GRK5: variants seen among roughly 807,000 people sequenced by gnomAD.
GRK5 encodes g protein-coupled receptor kinase GRK5.
In GRK5, 40 loss-of-function variants were observed where a neutral mutation model predicts 78.4. That is an observed-to-expected ratio of 0.51 (90% CI 0.40 to 0.66). GRK5 has a LOEUF of 0.66. Among genes scored for constraint, GRK5 ranks in the 30% least tolerant of loss-of-function variants. The pLI, the probability that GRK5 is intolerant of heterozygous loss-of-function variation, is 0.00. For missense variants in GRK5, 598 were observed against 759.9 expected (o/e 0.79, Z 2.50); for synonymous variants, 289 against 296.8 (o/e 0.97, Z 0.27).
chr10:119,360,730 T>C (rs1335492439), intron 2 of GRK5, among the ~76,000 whole-genome samples: 1 of 152,214 alleles, frequency 6.6e-6, no homozygotes, highest in Non-Finnish European at 1.5e-5. Flanking sequence ...GAAGATGGTC[T>C]GTCCGTCCTC....
chr10:119,301,565 C>T (rs564191639), intron 1 of GRK5, among the ~76,000 whole-genome samples: 4 of 152,314 alleles, frequency 2.6e-5, no homozygotes, highest in South Asian at 4.1e-4. Flanking sequence ...CTCTAGAGCA[C>T]GCCCCATCCG....
chr10:119,292,118 CCCTCTCCTCATCTTCCTCCTT>C (rs1187940391), intron 1 of GRK5, among the ~76,000 whole-genome samples: 1 of 27,764 alleles, frequency 3.6e-5, no homozygotes, highest in Non-Finnish European at 7.8e-5. Flanking sequence ...TCCTCTTCCT[CCCTCTCCTCATCTTCCTCCTT>C]CTCCTCCTCT....
intron 4 of GRK5, among the ~76,000 whole-genome samples, chr10:119,420,087 G>T (rs1852538436): frequency 6.6e-6 from 1 of 152,252 alleles, no homozygotes; most frequent in African/African-American, 2.4e-5. Context: ...GCACTTACTG[G>T]CTGAGTGACC....
At chr10:119,294,979 A>G (rs936262210) in intron 1 of GRK5, among the ~76,000 whole-genome samples, 5 of 152,110 alleles carry the variant, frequency 3.3e-5, no homozygotes, top group African/African-American at 1.2e-4. Flanking sequence ...TCATGAGGTC[A>G]GGAGATCGAG....
chr10:119,453,070 C>A (rs1306014655), intron 14 of GRK5, 75 bp from the exon 15 acceptor site: 4 of 975,330 alleles, frequency 4.1e-6, no homozygotes, highest in Non-Finnish European at 6.7e-6. Flanking sequence ...GGGGAGGGAG[C>A]CCCAGTGGCT....
At chr10:119,289,930 G>A (rs1849920160) in intron 1 of GRK5, among the ~76,000 whole-genome samples, 2 of 152,156 alleles carry the variant, frequency 1.3e-5, no homozygotes, top group Non-Finnish European at 2.9e-5. Context: ...AAAACTTTAT[G>A]GTCAGCTGTA....
At chr10:119,327,594 G>A (rs1850701423) in intron 2 of GRK5, among the ~76,000 whole-genome samples, 1 of 152,222 alleles carries the variant, frequency 6.6e-6, no homozygotes, top group Non-Finnish European at 1.5e-5. Context: ...GCCTGCCCTG[G>A]AATTCAAGGC....
intron 4 of GRK5, among the ~76,000 whole-genome samples, chr10:119,405,475 C>A (rs938391741): frequency 6.6e-6 from 1 of 152,082 alleles, no homozygotes; most frequent in Non-Finnish European, 1.5e-5. Context: ...GCTTGTTGGG[C>A]TCTCTGGAAA....
intron 1 of GRK5, among the ~76,000 whole-genome samples, chr10:119,314,543 C>G (rs2133746226): frequency 6.6e-6 from 1 of 152,332 alleles, no homozygotes; most frequent in Admixed American, 6.5e-5. Flanking sequence ...CTATGCTCAG[C>G]TAGGAAAGTG....
At chr10:119,223,051 A>G (rs1200787502) in intron 1 of GRK5, among the ~76,000 whole-genome samples, 2 of 152,134 alleles carry the variant, frequency 1.3e-5, no homozygotes, top group South Asian at 2.1e-4. Flanking sequence ...ACAGACATCT[A>G]TTGTCGCACA....
chr10:119,229,736 A>G (rs1035388649), intron 1 of GRK5, among the ~76,000 whole-genome samples: 7 of 152,164 alleles, frequency 4.6e-5, no homozygotes, highest in African/African-American at 1.4e-4. Flanking sequence ...TTCATCAGAG[A>G]AGTGGTCTTG....
rs180701794 is a variant in GRK5, at chr10:119,223,169, C to T, written c.52+15200C>T. ...GCCTCTCTCCTTGGCTTGTTGGTGG[C>T]TGTCTTCTCCCTGTGCGTCTTCCTC... On this transcript the variant is annotated intron_variant, in intron 1 of 15. Transcript: ENST00000392870. 3.3e-3 allele frequency among the ~76,000 whole-genome samples: 506 copies of T among 152,264 alleles called. 10 individuals carry two copies. Among genetic ancestry groups the T allele is most frequent in the Non-Finnish European group, 8.8e-4 (60 of 68,010 alleles).
intron 1 of GRK5, among the ~76,000 whole-genome samples, chr10:119,276,742 G>A (rs1849676432): frequency 6.6e-6 from 1 of 152,182 alleles, no homozygotes; most frequent in Admixed American, 6.5e-5. Flanking sequence ...TGACATTTTA[G>A]CAACACAGCT....
chr10:119,207,897 G>A lies in GRK5; in HGVS notation c.-21G>A. ...GCTGACAGCCCCGCCGGCCGGCTCCGTTGCTGACCGCCGACTGTCAATGGA... is the reference window on the plus strand; with the variant it reads ...GCTGACAGCCCCGCCGGCCGGCTCCATTGCTGACCGCCGACTGTCAATGGA... On this transcript the variant is annotated 5_prime_UTR_variant, in exon 1 of 16. Coordinates refer to ENST00000392870, the MANE Select transcript of GRK5 (RefSeq NM_005308.3). 2 of 1,591,626 alleles carry A rather than the reference G, an allele frequency of 1.3e-6. No homozygotes were observed. The highest frequency in any genetic ancestry group is 1.7e-6 in the Non-Finnish European group (2 of 1,171,194).
intron 2 of GRK5, among the ~76,000 whole-genome samples, chr10:119,350,492 C>T (rs1238296748): frequency 6.6e-6 from 1 of 151,578 alleles, no homozygotes; most frequent in Non-Finnish European, 1.5e-5. Flanking sequence ...GCATCTTTGT[C>T]ACAGCTCACA....
intron 1 of GRK5, among the ~76,000 whole-genome samples, chr10:119,276,714 T>C (rs1439896876): frequency 6.6e-6 from 1 of 152,128 alleles, no homozygotes; most frequent in Admixed American, 6.5e-5. Context: ...GTGTTTTTGG[T>C]TTTCTTGAAG....
At chr10:119,361,854 G>A (rs1277482677) in intron 2 of GRK5, among the ~76,000 whole-genome samples, 4 of 151,396 alleles carry the variant, frequency 2.6e-5, no homozygotes, top group East Asian at 1.9e-4. Flanking sequence ...ACAGCTGCTC[G>A]GGAGGCTGAG....
intron 3 of GRK5, among the ~76,000 whole-genome samples, chr10:119,383,709 G>A (rs1851749525): frequency 6.6e-6 from 1 of 152,182 alleles, no homozygotes; most frequent in Non-Finnish European, 1.5e-5. Context: ...GCTAGTGGGG[G>A]CCTCTCCAGG....
In GRK5 at chr10:119,436,693, T is replaced by A; in HGVS notation, c.781T>A (p.Leu261Met). 2 of 1,614,242 alleles carry A rather than the reference T, an allele frequency of 1.2e-6. No individual in the cohort carries two copies. The highest frequency in any genetic ancestry group is 1.7e-6 in the Non-Finnish European group (2 of 1,180,042). Residue 261 changes from leucine to methionine, a missense_variant, in exon 9 of 16, where the codon TTG becomes ATG. Physicochemically the swap from Leu to Met is conservative, Grantham distance 15. Transcript: ENST00000392870. The part of the protein sequence containing the change: ...YAYETKDALC[L>M]VLTIMNGGDL... The stretch of plus-strand genomic sequence containing the variant: ...CTACGAGACCAAGGATGCACTGTGC[T>A]TGGTCCTGACCATCATGAATGGGGG...
Sources: allele counts gnomAD v4.1 joint callset (sites outside exome capture counted in the v4.1 genomes callset), GRCh38; gene constraint gnomAD v4.1.1; transcripts MANE v1.5; gene names NCBI Gene and HGNC (gene_info 2026-07-23, HGNC 2026-07-21).